Variants in MYH11 observed in about 807,000 individuals in gnomAD.
MYH11 encodes myosin-11.
A neutral mutation model predicts 246.6 loss-of-function variants in MYH11; 80 were observed. The observed-to-expected ratio is 0.32, with a 90% confidence interval of 0.27 to 0.39. The LOEUF is 0.39. Ranked by LOEUF, MYH11 falls within the 10% of genes least tolerant of loss-of-function variation. MYH11 has a pLI of 1.00. For synonymous variants in MYH11, 1,071 were observed against 1,015.5 expected (o/e 1.05, Z -1.04); for missense variants, 2,158 against 2,546.8 (o/e 0.85, Z 3.29).
Position 15,718,378 on chromosome 16 carries a change from C to G in MYH11, c.5232G>C (p.Glu1744Asp). 1.2e-6 allele frequency: 2 copies of G among 1,606,246 alleles called. No individual in the cohort carries two copies. Among genetic ancestry groups the G allele is most frequent in the Non-Finnish European group, 1.7e-6 (2 of 1,178,576 alleles). Reference sequence around the variant, plus strand: ...CCATGTTGCCCTGCTCCTCCTCCAGCTCCTCCTCCAGCTGGGCGATCCGGG... The same window carrying G: ...CCATGTTGCCCTGCTCCTCCTCCAGGTCCTCCTCCAGCTGGGCGATCCGGG... ...LEARIAQLEE[E>D]LEEEQGNMEA... The change falls in exon 37 of 41, where the codon GAG becomes GAC. Residue 1744 changes from glutamate to aspartate, a missense_variant. Coordinates refer to ENST00000300036, the MANE Select transcript of MYH11 (RefSeq NM_002474.3).
In MYH11 at chr16:15,718,296, G is replaced by A. The variant is rs1342948286; in HGVS notation, c.5295+19C>T. The stretch of plus-strand genomic sequence containing the variant: ...AGAGACAGTAGGCAGCGTGACTGTG[G>A]TGTCCAGGCGGCCCTCACCTGCTGT... On this transcript the variant is annotated intron_variant, in intron 37 of 40. Coordinates refer to ENST00000300036, the MANE Select transcript of MYH11 (RefSeq NM_002474.3). 1.9e-6 allele frequency: 3 copies of A among 1,607,534 alleles called. No homozygotes were observed. The highest frequency in any genetic ancestry group is 1.7e-5 in the Admixed American group (1 of 59,984).
chr16:15,778,696 G>T, intron 7 of MYH11, 84 bp downstream of exon 7: 1 of 1,292,344 alleles, frequency 7.7e-7, no homozygotes, highest in Non-Finnish European at 1.1e-6. Flanking sequence ...AGATAGAGGT[G>T]GCTCTTGGAC....
intron 20 of MYH11, 25 bp from the exon 21 acceptor site, chr16:15,741,916 A>G (rs781448544): frequency 6.8e-6 from 11 of 1,613,994 alleles, no homozygotes; most frequent in Non-Finnish European, 8.5e-6. Context: ...TTAGCCCATC[A>G]TTTGTTTTTG....
rs112426613 is a variant in MYH11, at chr16:15,721,320, C to T, written c.4578+102G>A. 6.4e-4 allele frequency: 851 copies of T among 1,324,512 alleles called. 8 individuals are homozygous for T. The African/African-American group carries it at 9.7e-3, about 15-fold the overall frequency. 82.0% of individuals were successfully genotyped at this position (1,324,512 alleles called of 1,614,324 possible). ...CCTCCTTCCATTTCCGATGATAGTT[C>T]GCTATGAAAAAGGCCAGGAGCTAGC... On this transcript the variant is annotated intron_variant, in intron 32 of 40. Coordinates refer to ENST00000300036, the MANE Select transcript of MYH11 (RefSeq NM_002474.3).
Position 15,750,907 on chromosome 16 carries a change from A to G in MYH11, c.1865-576T>C, listed in dbSNP as rs937711494. On this transcript the variant is annotated intron_variant, in intron 15 of 40. Transcript: ENST00000300036. This position sits in a 1 kb window ranked among gnomAD's most constrained non-coding sequence, Gnocchi z 4.3. ...TGAGTAGTGAGGTGTGCGTAGAAAA[A>G]TAAAAATAGGGTAAAGCGGAGAGAG... Among the ~76,000 whole-genome samples the G allele has an allele frequency of 6.6e-6, 1 of 152,118 alleles. No homozygotes were observed. The highest frequency in any genetic ancestry group is 6.6e-5 in the Admixed American group (1 of 15,254).
rs1567710104 is a variant in MYH11 at position 15,732,585 on chromosome 16, C to T, written c.3630G>A (p.Glu1210=). Residue 1210 remains glutamate (E), a synonymous_variant, in exon 27 of 41, where the codon GAG becomes GAA. Coordinates refer to ENST00000300036, the MANE Select transcript of MYH11 (RefSeq NM_002474.3). The part of the protein sequence containing the change: ...KHAQAVEELT[E]QLEQFKRAKA... ...TTACCCTCTTGAACTGCTCAAGCTG[C>T]TCTGTGAGCTCCTCCACCGCCTGTG... is the stretch of plus-strand genomic sequence containing the variant. 6.2e-7 allele frequency: 1 copy of T among 1,614,262 alleles called. No homozygotes were observed. Among genetic ancestry groups the T allele is most frequent in the Non-Finnish European group, 8.5e-7 (1 of 1,180,054 alleles).
intron 38 of MYH11, among the ~76,000 whole-genome samples, chr16:15,716,188 C>A (rs2040123524): frequency 6.6e-6 from 1 of 152,160 alleles, no homozygotes; most frequent in African/African-American, 2.4e-5. Context: ...CTACCTCAGC[C>A]TCCCAAAGTG....
At chr16:15,798,630 AAAAAC>A (rs756577706) in intron 4 of MYH11, 25 bp downstream of exon 4, 3 of 1,576,126 alleles carry the variant, frequency 1.9e-6, no homozygotes, top group African/African-American at 2.8e-5. Flanking sequence ...AAAACAAAAA[AAAAAC>A]AGAAGAAAAA....
chr16:15,745,787 A>C (rs8046304), intron 19 of MYH11, among the ~76,000 whole-genome samples: 2,783 of 152,082 alleles, frequency 0.018, 100 homozygotes, highest in African/African-American at 0.063. Context: ...GGGGTTTCCC[A>C]TGTTGGCCAG....
chr16:15,796,997 T>C (rs919664044), intron 4 of MYH11, among the ~76,000 whole-genome samples: 1 of 152,226 alleles, frequency 6.6e-6, no homozygotes, highest in Admixed American at 6.5e-5. Flanking sequence ...CATCTAATCC[T>C]CTTCCCTTTC....
At chr16:15,766,572 A>G (rs1427699868) in intron 9 of MYH11, among the ~76,000 whole-genome samples, 1 of 152,094 alleles carries the variant, frequency 6.6e-6, no homozygotes, top group African/African-American at 2.4e-5. Flanking sequence ...GAGTTTCACC[A>G]TGTTGGCCAG....
intron 2 of MYH11, among the ~76,000 whole-genome samples, chr16:15,825,373 G>A (rs900719334): frequency 5.1e-5 from 7 of 136,018 alleles, no homozygotes; most frequent in East Asian, 2.1e-4. Context: ...ACAACAGCCG[G>A]ACCCCCTCTC....
chr16:15,762,414 C>T (rs2041888867), intron 10 of MYH11, among the ~76,000 whole-genome samples: 1 of 152,188 alleles, frequency 6.6e-6, no homozygotes, highest in Non-Finnish European at 1.5e-5. Flanking sequence ...TAACTGGAGG[C>T]TACAAGAGTC....
At chr16:15,802,823 G>A (rs1413656660) in intron 3 of MYH11, among the ~76,000 whole-genome samples, 2 of 152,130 alleles carry the variant, frequency 1.3e-5, no homozygotes, top group Non-Finnish European at 2.9e-5. Flanking sequence ...ATCCTGGCTT[G>A]GAGTGAGACC....
chr16:15,766,892 A>T (rs1265979923), intron 9 of MYH11, among the ~76,000 whole-genome samples: 1 of 152,226 alleles, frequency 6.6e-6, no homozygotes, highest in East Asian at 1.9e-4. Context: ...CAACACAGCA[A>T]GGGTGGTGAC....
chr16:15,740,012 G>T, intron 23 of MYH11, 39 bp downstream of exon 23: 1 of 1,610,790 alleles, frequency 6.2e-7, no homozygotes. Flanking sequence ...AAAGTGCTCG[G>T]ATTATAGGCG....
intron 40 of MYH11, 95 bp downstream of exon 40, chr16:15,714,814 G>T: frequency 6.8e-7 from 1 of 1,462,478 alleles, no homozygotes; most frequent in Non-Finnish European, 9.5e-7. Context: ...GCGGCTGTGG[G>T]CACAAGGGGC....
At chr16:15,749,699 A>G in intron 16 of MYH11, 1 of 253,090 alleles carries the variant, frequency 4.0e-6, no homozygotes, top group Non-Finnish European at 7.7e-6. Flanking sequence ...TACCCACTAG[A>G]TGCTGACTAA....
chr16:15,844,141 C>G (rs1014181212), intron 1 of MYH11, among the ~76,000 whole-genome samples: 2 of 152,092 alleles, frequency 1.3e-5, no homozygotes, highest in East Asian at 3.8e-4. Context: ...GGTGATGAAG[C>G]CTCCAGATCT....
Sources: allele counts gnomAD v4.1 joint callset (sites outside exome capture counted in the v4.1 genomes callset), GRCh38; gene constraint gnomAD v4.1.1; non-coding constraint Gnocchi (gnomAD v3.1); transcripts MANE v1.5; gene names NCBI Gene and HGNC (gene_info 2026-07-23, HGNC 2026-07-21).